CBX5: variants seen among roughly 807,000 people sequenced by gnomAD.
CBX5 encodes chromobox protein homolog 5.
A neutral mutation model predicts 20.7 loss-of-function variants in CBX5; 7 were observed. The observed-to-expected ratio is 0.34, with a 90% CI of 0.19 to 0.63. The LOEUF is 0.63. CBX5 is among the 30% of genes least tolerant of loss of function. The pLI is 0.75. For missense variants in CBX5, 110 were observed against 224.1 expected (o/e 0.49, Z 3.25); for synonymous variants, 78 against 77.0 (o/e 1.01, Z -0.07).
intron 4 of CBX5, 144 bp downstream of exon 4, chr12:54,245,971 G>A (rs1022850443): frequency 1.1e-5 from 7 of 638,494 alleles, no homozygotes; most frequent in Admixed American, 4.8e-5. Context: ...AACAAAGGGC[G>A]AAACACTGTC....
rs147747812 is a variant in CBX5, at chr12:54,254,488, C to T, written c.138-2261G>A. On this transcript the variant is annotated intron_variant, in intron 2 of 4. Transcript: ENST00000209875. The stretch of plus-strand genomic sequence containing the variant: ...CTACAAAAGGAACATAATATTGAGA[C>T]AAAATTTATTTCTAAATCATTTGAG... 5.7e-4 allele frequency among the ~76,000 whole-genome samples: 86 copies of T among 151,966 alleles called. 2 individuals carry two copies. In the East Asian group the frequency reaches 0.016, roughly 29 times the overall value.
At position 54,269,784 on chromosome 12, in the gene CBX5, G is replaced by C. The variant is rs76445421; in HGVS notation, c.-43+10224C>G. ...AAGGTTCTGACGTTTTCTTCTTTTT[G>C]CCTGTAGAGAGGTCTCATTATGTTT... On this transcript the variant is annotated intron_variant, in intron 1 of 4. Transcript: ENST00000209875. Among the ~76,000 whole-genome samples the C allele has an allele frequency of 4.5e-3, 681 of 152,092 alleles. 6 individuals are homozygous for C. Among genetic ancestry groups the C allele is most frequent in the African/African-American group, 0.016 (651 of 41,496 alleles).
At position 54,233,158 on chromosome 12, in the gene CBX5, C is replaced by A. The variant is rs150770531; in HGVS notation, c.*8597G>T. On this transcript the variant is annotated 3_prime_UTR_variant, in exon 5 of 5. Transcript: ENST00000209875. The stretch of plus-strand genomic sequence containing the variant: ...CAAAAACACCTCAAGGGTAAGGATA[C>A]AAATGGTGACCCCTGCTTTTCTATT... 3 of 152,300 alleles carry A rather than the reference C, an allele frequency of 2.0e-5. No individual in the cohort carries two copies. The East Asian group carries it at 5.8e-4, about 29-fold the overall frequency. 9.4% of individuals were successfully genotyped at this position (152,300 alleles called of 1,614,324 possible).
rs565056149 is a variant in CBX5, at chr12:54,240,066, G to A, written c.*1689C>T. ...CAAGAAAAGCAGCCTCATGGCTGGTGCGCTCTAGAATTAAGGCTATATTAA... is the reference window on the plus strand; with the variant it reads ...CAAGAAAAGCAGCCTCATGGCTGGTACGCTCTAGAATTAAGGCTATATTAA... On this transcript the variant is annotated 3_prime_UTR_variant, in exon 5 of 5. Transcript: ENST00000209875. The A allele has an allele frequency of 6.7e-4, 102 of 152,318 alleles. No homozygotes were observed. Among genetic ancestry groups the A allele is most frequent in the African/African-American group, 2.3e-3 (95 of 41,568 alleles). The allele number at this position is 152,318 out of a possible 1,614,324, so 9.4% of individuals were successfully genotyped here.
rs1943639381 is a variant in CBX5 at position 54,237,921 on chromosome 12, G to C, written c.*3834C>G. 6.6e-6 allele frequency: 1 copy of C among 152,236 alleles called. No homozygotes were observed. The highest frequency in any genetic ancestry group is 2.1e-4 in the South Asian group (1 of 4,816). The allele number at this position is 152,236 out of a possible 1,614,324, so 9.4% of individuals were successfully genotyped here. The stretch of plus-strand genomic sequence containing the variant: ...AATTTAATAGAGGTGGCCAGGCACG[G>C]TGGCTCATGCCTGTAATTCCAGCAC... On this transcript the variant is annotated 3_prime_UTR_variant, in exon 5 of 5. Coordinates refer to ENST00000209875, the MANE Select transcript of CBX5 (RefSeq NM_012117.3).
In CBX5 at chr12:54,233,346, T is replaced by TATTA. The variant is rs1491358750; in HGVS notation, c.*8408_*8409insTAAT. 1 of 152,180 alleles carries TATTA rather than the reference T, an allele frequency of 6.6e-6. No individual in the cohort carries two copies. The highest frequency in any genetic ancestry group is 1.5e-5 in the Non-Finnish European group (1 of 68,016). The allele number at this position is 152,180 out of a possible 1,614,324, so 9.4% of individuals were successfully genotyped here. A position where few individuals can be genotyped will look rare whatever the true frequency, so the allele number is the denominator to read the frequency against. On this transcript the variant is annotated 3_prime_UTR_variant, in exon 5 of 5. Coordinates refer to ENST00000209875, the MANE Select transcript of CBX5 (RefSeq NM_012117.3). Reference sequence around the variant, plus strand: ...TACTTTGGATTCTGGTAGAAATCATTATGTCTCTTATCCTAAACTGAGGAG... The same window carrying TATTA: ...TACTTTGGATTCTGGTAGAAATCATTATTAATGTCTCTTATCCTAAACTGAGGAG...
intron 1 of CBX5, among the ~76,000 whole-genome samples, chr12:54,277,354 C>A (rs565482471): frequency 6.6e-6 from 1 of 152,316 alleles, no homozygotes; most frequent in East Asian, 1.9e-4. Context: ...CAGGCACCCG[C>A]CACCACACCT....
chr12:54,241,707 G>A lies in CBX5; in HGVS notation c.*48C>T. 1 of 1,555,086 alleles carries A rather than the reference G, an allele frequency of 6.4e-7. No homozygotes were observed. The highest frequency in any genetic ancestry group is 8.7e-7 in the Non-Finnish European group (1 of 1,147,412). On this transcript the variant is annotated 3_prime_UTR_variant, in exon 5 of 5. Transcript: ENST00000209875. ...GGGTAGAAAGGAGAGGAGGCAGGGA[G>A]GTGAATGTATTATGTACAAAGAGAA...
chr12:54,265,009 C>T (rs1428731801), intron 1 of CBX5, among the ~76,000 whole-genome samples: 1 of 152,144 alleles, frequency 6.6e-6, no homozygotes, highest in Non-Finnish European at 1.5e-5. Flanking sequence ...AAGCAAAATC[C>T]TTTAGGAAGT....
intron 1 of CBX5, among the ~76,000 whole-genome samples, chr12:54,277,517 T>C (rs531656938): frequency 4.8e-4 from 73 of 152,116 alleles, no homozygotes; most frequent in African/African-American, 1.7e-3. Flanking sequence ...ATTTTTGTTT[T>C]TAGTAGAGAC....
chr12:54,263,796 G>GA (rs1177290699), intron 1 of CBX5, among the ~76,000 whole-genome samples: 5 of 130,338 alleles, frequency 3.8e-5, no homozygotes, highest in African/African-American at 5.7e-5. Context: ...AAAGAAAAAA[G>GA]AAAAAAAAAG....
At position 54,252,056 on chromosome 12, in the gene CBX5, A is replaced by G. The variant is rs752499211; in HGVS notation, c.309T>C (p.Ser103=). Residue 103 remains serine (S), a synonymous_variant, in exon 3 of 5, where the codon TCT becomes TCC. Coordinates refer to ENST00000209875, the MANE Select transcript of CBX5 (RefSeq NM_012117.3). ...GGAAGCTTACCTCTCTCTTTTTTTT[A>G]GATTTGATGTCATCGGCACTGTTTG... is the stretch of plus-strand genomic sequence containing the variant. ...NFSNSADDIK[S]KKKREQSNDI... is the part of the protein sequence containing the mutation. 2 of 1,571,734 alleles carry G rather than the reference A, an allele frequency of 1.3e-6. No homozygotes were observed. Among genetic ancestry groups the G allele is most frequent in the South Asian group, 2.5e-5 (2 of 81,074 alleles).
At chr12:54,268,682 C>T (rs144233623) in intron 1 of CBX5, among the ~76,000 whole-genome samples, 2 of 152,120 alleles carry the variant, frequency 1.3e-5, no homozygotes, top group East Asian at 1.9e-4. Context: ...AATTTTAAGG[C>T]GAGGATTTTT....
At chr12:54,243,477 C>T (rs1943700421) in intron 4 of CBX5, among the ~76,000 whole-genome samples, 1 of 152,198 alleles carries the variant, frequency 6.6e-6, no homozygotes, top group Admixed American at 6.5e-5. Flanking sequence ...AGGAGGATAA[C>T]TTGAGCTCAG....
At chr12:54,275,274 G>A (rs887771544) in intron 1 of CBX5, among the ~76,000 whole-genome samples, 1 of 151,748 alleles carries the variant, frequency 6.6e-6, no homozygotes, top group Non-Finnish European at 1.5e-5. Flanking sequence ...AGACAGTCTC[G>A]CTCTGTCACC....
At position 54,238,891 on chromosome 12, in the gene CBX5, G is replaced by C. The variant is rs1235209078; in HGVS notation, c.*2864C>G. 6.6e-6 allele frequency: 1 copy of C among 152,250 alleles called. No homozygotes were observed. Among genetic ancestry groups the C allele is most frequent in the Non-Finnish European group, 1.5e-5 (1 of 68,038 alleles). 9.4% of individuals were successfully genotyped at this position (152,250 alleles called of 1,614,324 possible). On this transcript the variant is annotated 3_prime_UTR_variant, in exon 5 of 5. Coordinates refer to ENST00000209875, the MANE Select transcript of CBX5 (RefSeq NM_012117.3). ...AGAAAAATAAATTTTTAGCATTTGA[G>C]ACTTAGGTGTTTAAGAGTGCTTAGC...
At chr12:54,249,358 A>G (rs1172910810) in intron 3 of CBX5, among the ~76,000 whole-genome samples, 2 of 149,456 alleles carry the variant, frequency 1.3e-5, no homozygotes, top group Admixed American at 1.3e-4. Flanking sequence ...GAGTGAGACT[A>G]TGTCTCAAAA....
chr12:54,265,665 C>A (rs1943949677), intron 1 of CBX5, among the ~76,000 whole-genome samples: 1 of 152,198 alleles, frequency 6.6e-6, no homozygotes, highest in African/African-American at 2.4e-5. Flanking sequence ...ATAGACAACA[C>A]AAACTTTATT....
At chr12:54,252,802 C>G (rs1352162819) in intron 2 of CBX5, among the ~76,000 whole-genome samples, 2 of 151,430 alleles carry the variant, frequency 1.3e-5, no homozygotes, top group Non-Finnish European at 2.9e-5. Flanking sequence ...CTGGCCAACA[C>G]AGTGAAACCG....
Sources: allele counts gnomAD v4.1 joint callset (sites outside exome capture counted in the v4.1 genomes callset), GRCh38; gene constraint gnomAD v4.1.1; transcripts MANE v1.5; gene names NCBI Gene and HGNC (gene_info 2026-07-23, HGNC 2026-07-21).